The following CPAMD8 variants were observed in gnomAD, a reference collection of about 807,000 sequenced individuals.
CPAMD8 encodes C3 and PZP like alpha-2-macroglobulin domain containing 8, also known as C3 and PZP-like alpha-2-macroglobulin domain-containing protein 8.
Under a neutral mutation model 224.7 loss-of-function variants are expected in CPAMD8, and 146 were observed. The ratio of observed to expected loss-of-function variants is 0.65; its 90% confidence interval spans 0.57 to 0.75. The LOEUF is 0.75. Ranked by LOEUF, CPAMD8 falls within the 30% of genes least tolerant of loss-of-function variation. The pLI is 0.00. For missense variants in CPAMD8, 2,301 were observed against 2,537.5 expected, an observed-to-expected ratio of 0.91 and a Z score of 2.00; for synonymous variants, 966 against 1,044.6, an observed-to-expected ratio of 0.92 and a Z score of 1.45.
Position 16,896,510 on chromosome 19 carries a change from C to G in CPAMD8, c.5221G>C (p.Ala1741Pro). ...YASACRLREAACRQAAPLEPA... is the reference protein window; with the variant it reads ...YASACRLREAPCRQAAPLEPA... ...TCCAGGGGCGCGGCCTGGCGGCAGG[C>G]GGCCTCCCGCAGGCGGCAGGCGCTG... Residue 1741 changes from alanine to proline, a missense_variant, in exon 40 of 42, where the codon GCC becomes CCC. Transcript: ENST00000443236. 7.0e-7 allele frequency: 1 copy of G among 1,427,676 alleles called. No individual in the cohort carries two copies. Among genetic ancestry groups the G allele is most frequent in the South Asian group, 1.5e-5 (1 of 66,046 alleles). The allele number at this position is 1,427,676 out of a possible 1,614,324, so 88.4% of individuals were successfully genotyped here.
chr19:17,009,193 A>ACAG, intron 6 of CPAMD8, 110 bp downstream of exon 6: 1 of 1,587,766 alleles, frequency 6.3e-7, no homozygotes, highest in Non-Finnish European at 8.6e-7. Context: ...CTTGTAAGGC[A>ACAG]CAGCGGCTCA....
chr19:16,906,400 T>TTCTC lies in CPAMD8; in HGVS notation c.4027+551_4027+552insGAGA, dbSNP rs1332031709. ...TTTCTTTCTTTCTTTCTTTCTTTCT[T>TTCTC]TCTTTCTTTCCTTCCTTCCTTCCTT... On this transcript the variant is annotated intron_variant, in intron 30 of 41. Coordinates refer to ENST00000443236, the MANE Select transcript of CPAMD8 (RefSeq NM_015692.5). 5.1e-3 allele frequency among the ~76,000 whole-genome samples: 484 copies of TTCTC among 95,044 alleles called. 12 individuals carry two copies. The highest frequency in any genetic ancestry group is 0.02 in the African/African-American group (450 of 22,620). 62.4% of individuals were successfully genotyped at this position (95,044 alleles called of 152,430 possible).
intron 15 of CPAMD8, among the ~76,000 whole-genome samples, chr19:16,976,447 G>T (rs1255000520): frequency 6.6e-6 from 1 of 151,900 alleles, no homozygotes; most frequent in Non-Finnish European, 1.5e-5. Context: ...TTGCACCCCA[G>T]CCAGGGCAAC....
At chr19:16,904,964 G>A (rs545836882) in intron 30 of CPAMD8, among the ~76,000 whole-genome samples, 17 of 152,362 alleles carry the variant, frequency 1.1e-4, no homozygotes, top group Admixed American at 1.0e-3. Flanking sequence ...ATTCTGGCCA[G>A]GCACAGTGGC....
intron 7 of CPAMD8, 127 bp downstream of exon 7, chr19:17,008,378 C>G: frequency 3.2e-6 from 4 of 1,240,420 alleles, no homozygotes; most frequent in Admixed American, 2.1e-5. Flanking sequence ...CTCCGCTCCT[C>G]CTTGGTCCCC....
intron 26 of CPAMD8, among the ~76,000 whole-genome samples, chr19:16,922,855 G>T (rs1173848519): frequency 6.6e-6 from 1 of 152,154 alleles, no homozygotes; most frequent in Admixed American, 6.5e-5. Flanking sequence ...CACATCTGAG[G>T]TCCTTGAAAC....
At chr19:16,959,190 T>C (rs924401443) in intron 18 of CPAMD8, among the ~76,000 whole-genome samples, 1 of 151,322 alleles carries the variant, frequency 6.6e-6, no homozygotes, top group African/African-American at 2.4e-5. Flanking sequence ...TTTTTTTTTT[T>C]TGAGATGGAG....
At chr19:17,013,680 A>G (rs2056727099) in intron 3 of CPAMD8, among the ~76,000 whole-genome samples, 1 of 151,614 alleles carries the variant, frequency 6.6e-6, no homozygotes, top group East Asian at 1.9e-4. Flanking sequence ...TGATGGGGAC[A>G]GGGTCTTCTT....
At chr19:16,902,627 C>T in intron 35 of CPAMD8, 22 bp downstream of exon 35, 4 of 1,539,074 alleles carry the variant, frequency 2.6e-6, no homozygotes, top group Non-Finnish European at 3.6e-6. Flanking sequence ...GATGCCCACG[C>T]CAGCAGGGCA....
intron 22 of CPAMD8, among the ~76,000 whole-genome samples, chr19:16,939,420 G>A (rs1359200089): frequency 1.3e-5 from 2 of 151,956 alleles, no homozygotes; most frequent in Admixed American, 6.6e-5. Context: ...TGTTGGCCAG[G>A]CTAGTCTCAA....
At chr19:17,014,043 C>CTCTCTCTT (rs773922267) in intron 3 of CPAMD8, among the ~76,000 whole-genome samples, 1 of 138,164 alleles carries the variant, frequency 7.2e-6, no homozygotes, top group African/African-American at 2.7e-5. Flanking sequence ...TTCTTTCTTT[C>CTCTCTCTT]TCTTTCTCTT....
At chr19:16,973,187 G>C (rs1455512159) in intron 17 of CPAMD8, among the ~76,000 whole-genome samples, 1 of 152,016 alleles carries the variant, frequency 6.6e-6, no homozygotes, top group African/African-American at 2.4e-5. Context: ...AAAAATAAGA[G>C]ATTTTTTTGT....
intron 18 of CPAMD8, 60 bp from the exon 19 acceptor site, chr19:16,957,975 C>T: frequency 6.8e-7 from 1 of 1,476,284 alleles, no homozygotes; most frequent in African/African-American, 1.4e-5. Flanking sequence ...CTTATGTGAA[C>T]CTAGCAGCTT....
At chr19:16,997,550 T>C (rs891954282) in intron 10 of CPAMD8, among the ~76,000 whole-genome samples, 2 of 151,994 alleles carry the variant, frequency 1.3e-5, no homozygotes, top group African/African-American at 2.4e-5. Context: ...GTTGGCTCCA[T>C]TGGGCAGAAG....
At chr19:17,017,041 C>A (rs1206082998) in intron 3 of CPAMD8, among the ~76,000 whole-genome samples, 1 of 152,072 alleles carries the variant, frequency 6.6e-6, no homozygotes, top group Non-Finnish European at 1.5e-5. Flanking sequence ...AGCAAATGAA[C>A]CTTCATCTGT....
intron 22 of CPAMD8, among the ~76,000 whole-genome samples, chr19:16,945,091 G>A (rs1207824077): frequency 6.6e-6 from 1 of 152,144 alleles, no homozygotes; most frequent in African/African-American, 2.4e-5. Context: ...CGAGATCATG[G>A]GTAAGTGGCC....
Position 16,981,278 on chromosome 19 carries a change from T to C in CPAMD8, c.1396-592A>G, listed in dbSNP as rs2055506019. Reference sequence around the variant, plus strand: ...CAGGGGGCTGAAGTGGGAGGGTCACTTGAGCCTAGGAAGTCAAGGCTGCAG... The same window carrying C: ...CAGGGGGCTGAAGTGGGAGGGTCACCTGAGCCTAGGAAGTCAAGGCTGCAG... On this transcript the variant is annotated intron_variant, in intron 13 of 41. Transcript: ENST00000443236. Among the ~76,000 whole-genome samples the C allele has an allele frequency of 2.6e-5, 4 of 152,214 alleles. No individual in the cohort carries two copies. In the South Asian group the frequency reaches 6.2e-4, roughly 24 times the overall value.
chr19:16,893,074 A>T lies in CPAMD8; in HGVS notation c.*34T>A. ...TGGGTATGAATGGTCCCCAGGACCA[A>T]ACTGCGGTCCCACAACTGCATGTGG... On this transcript the variant is annotated 3_prime_UTR_variant, in exon 42 of 42. Coordinates refer to ENST00000443236, the MANE Select transcript of CPAMD8 (RefSeq NM_015692.5). 1 of 982,572 alleles carries T rather than the reference A, an allele frequency of 1.0e-6. No homozygotes were observed. 60.9% of individuals were successfully genotyped at this position (982,572 alleles called of 1,614,324 possible).
At chr19:16,940,450 C>T (rs564711445) in intron 22 of CPAMD8, among the ~76,000 whole-genome samples, 24 of 129,096 alleles carry the variant, frequency 1.9e-4, no homozygotes, top group Admixed American at 1.3e-3. Flanking sequence ...GCCCCCATTT[C>T]TTCATCTCTA....
Sources: allele counts gnomAD v4.1 joint callset (sites outside exome capture counted in the v4.1 genomes callset), GRCh38; gene constraint gnomAD v4.1.1; transcripts MANE v1.5; gene names NCBI Gene and HGNC (gene_info 2026-07-23, HGNC 2026-07-21).